MME: variants seen among roughly 807,000 people sequenced by gnomAD.
MME encodes the protein neprilysin.
MME carries 98 observed loss-of-function variants against 113.2 expected under a neutral mutation model. That is an observed-to-expected ratio of 0.87 (90% CI 0.74 to 1.02). The LOEUF (loss-of-function observed/expected upper bound fraction) is 1.02, where lower values mean the gene tolerates loss of function less well. MME is among the 50% of genes least tolerant of loss of function. The probability of loss-of-function intolerance (pLI) is 0.00; values close to 1 mark genes in which losing one functional copy is unlikely to be tolerated. For missense variants in MME, 836 were observed against 896.0 expected (o/e 0.93, Z 0.86); for synonymous variants, 292 against 300.6 (o/e 0.97, Z 0.30).
At chr3:155,029,264 A>T (rs1200675242) in intron 1 of MME, among the ~76,000 whole-genome samples, 1 of 152,244 alleles carries the variant, frequency 6.6e-6, no homozygotes, top group East Asian at 1.9e-4. Context: ...TTAAAAACAA[A>T]TCCATCCAAT....
chr3:155,125,306 C>T (rs1481471218), intron 8 of MME, among the ~76,000 whole-genome samples: 2 of 82,154 alleles, frequency 2.4e-5, no homozygotes, highest in South Asian at 4.8e-4. Flanking sequence ...CACTGGCCTG[C>T]GCCCACTGTC....
intron 12 of MME, 145 bp from the exon 13 acceptor site, chr3:155,143,298 C>A: frequency 2.1e-6 from 2 of 938,276 alleles, no homozygotes; most frequent in Non-Finnish European, 3.3e-6. Context: ...GATTACATTT[C>A]ATCATAGGCT....
At chr3:155,092,884 T>A (rs1368995854) in intron 3 of MME, among the ~76,000 whole-genome samples, 4 of 152,156 alleles carry the variant, frequency 2.6e-5, no homozygotes, top group Non-Finnish European at 5.9e-5. Flanking sequence ...ATAAGGGGAC[T>A]TCTTGGGGTA....
At chr3:155,049,259 G>T (rs1713671172) in intron 1 of MME, among the ~76,000 whole-genome samples, 1 of 151,986 alleles carries the variant, frequency 6.6e-6, no homozygotes, top group African/African-American at 2.4e-5. Context: ...GATTATGCCG[G>T]ATTAGGATGC....
At chr3:155,156,995 C>T (rs1442358397) in intron 16 of MME, among the ~76,000 whole-genome samples, 1 of 151,980 alleles carries the variant, frequency 6.6e-6, no homozygotes, top group Non-Finnish European at 1.5e-5. Context: ...AAAATTATTT[C>T]TGCACACTTT....
intron 1 of MME, chr3:155,081,876 A>G (rs1180187840): frequency 6.6e-6 from 1 of 152,240 alleles, no homozygotes; most frequent in Non-Finnish European, 1.5e-5. Context: ...AAGGCTACTA[A>G]GAGCAAAAGA....
intron 1 of MME, among the ~76,000 whole-genome samples, chr3:155,061,328 G>A (rs1714135918): frequency 6.6e-6 from 1 of 151,656 alleles, no homozygotes; most frequent in African/African-American, 2.4e-5. Context: ...GCAGGAGCCT[G>A]TAGTCCCAGC....
In MME at chr3:155,172,130, A is replaced by G. The variant is rs760938817; in HGVS notation, c.1994A>G (p.Tyr665Cys). The G allele has an allele frequency of 6.3e-7, 1 of 1,596,962 alleles. No homozygotes were observed. The highest frequency in any genetic ancestry group is 2.2e-5 in the East Asian group (1 of 44,564). Residue 665 changes from tyrosine (Y) to cysteine (C), a missense_variant, in exon 21 of 23, where the codon TAT (tyrosine) becomes TGT (cysteine). By Grantham distance (194) the Tyr-to-Cys change is radical. Transcript: ENST00000360490. ...TCAACTGCCTAGGCCTATCAGAATTATATTAAAAAGAATGGCGAAGAAAAA... is the reference window on the plus strand; with the variant it reads ...TCAACTGCCTAGGCCTATCAGAATTGTATTAAAAAGAATGGCGAAGAAAAA... Reference protein sequence around the residue: ...LGQAYRAYQNYIKKNGEEKLL... With the variant: ...LGQAYRAYQNCIKKNGEEKLL...
chr3:155,144,112 T>G (rs572319243), intron 13 of MME, among the ~76,000 whole-genome samples: 1 of 152,174 alleles, frequency 6.6e-6, no homozygotes, highest in Non-Finnish European at 1.5e-5. Flanking sequence ...AACCATTATA[T>G]TCTGAAAATG....
At position 155,107,449 on chromosome 3, in the gene MME, T is replaced by C. The variant is rs571190490; in HGVS notation, c.197-7545T>C. Among the ~76,000 whole-genome samples the C allele has an allele frequency of 2.6e-5, 4 of 152,156 alleles. No homozygotes were observed. In the South Asian group the frequency reaches 8.3e-4, roughly 32 times the overall value. On this transcript the variant is annotated intron_variant, in intron 3 of 22. Transcript: ENST00000360490. ...GTATGTTGTAAATAGATGCCTAACC[T>C]ATTTAAAACGTGGCTAATTTATAGT...
chr3:155,143,200 T>C (rs182798518), intron 12 of MME, among the ~76,000 whole-genome samples: 2 of 152,304 alleles, frequency 1.3e-5, no homozygotes, highest in Admixed American at 1.3e-4. Context: ...TACAATGATA[T>C]TAAGTTGTAA....
At chr3:155,178,164 G>A (rs1712742905) in intron 22 of MME, among the ~76,000 whole-genome samples, 1 of 151,966 alleles carries the variant, frequency 6.6e-6, no homozygotes, top group South Asian at 2.1e-4. Flanking sequence ...AAATTCCCCA[G>A]CTTCTGACTC....
intron 3 of MME, among the ~76,000 whole-genome samples, chr3:155,088,637 T>G (rs1406533644): frequency 6.9e-6 from 1 of 145,180 alleles, no homozygotes. Context: ...GAGCTGAGAT[T>G]GCGCCATTGC....
chr3:155,098,291 C>T (rs1204915113), intron 3 of MME, among the ~76,000 whole-genome samples: 1 of 152,084 alleles, frequency 6.6e-6, no homozygotes, highest in African/African-American at 2.4e-5. Flanking sequence ...CGCAGTGGCT[C>T]ACGGCTGTAA....
intron 18 of MME, among the ~76,000 whole-genome samples, chr3:155,167,819 A>G (rs1004288284): frequency 6.6e-6 from 1 of 152,204 alleles, no homozygotes; most frequent in African/African-American, 2.4e-5. Flanking sequence ...ATAAAAACAC[A>G]TGAAAGATTT....
chr3:155,058,088 AAAAC>A (rs1048403038), intron 1 of MME, among the ~76,000 whole-genome samples: 2 of 152,160 alleles, frequency 1.3e-5, no homozygotes, highest in Admixed American at 1.3e-4. Flanking sequence ...AGTCTACACA[AAAAC>A]AAACAAACAA....
At chr3:155,168,101 A>G (rs1711528200) in intron 18 of MME, among the ~76,000 whole-genome samples, 1 of 152,208 alleles carries the variant, frequency 6.6e-6, no homozygotes, top group Admixed American at 6.5e-5. Flanking sequence ...TGTCCTATGA[A>G]GGGTCCAGGA....
intron 20 of MME, among the ~76,000 whole-genome samples, chr3:155,170,626 T>C (rs1471795948): frequency 6.6e-6 from 1 of 152,158 alleles, no homozygotes; most frequent in Admixed American, 6.5e-5. Flanking sequence ...TTTCCTAGCA[T>C]TGGGTATTTT....
At chr3:155,057,840 T>C (rs1713991240) in intron 1 of MME, among the ~76,000 whole-genome samples, 1 of 152,136 alleles carries the variant, frequency 6.6e-6, no homozygotes, top group Admixed American at 6.6e-5. Flanking sequence ...AAATCTTCAC[T>C]ATGCCTGTCA....
Sources: allele counts gnomAD v4.1 joint callset (sites outside exome capture counted in the v4.1 genomes callset), GRCh38; gene constraint gnomAD v4.1.1; transcripts MANE v1.5; gene names NCBI Gene and HGNC (gene_info 2026-07-23, HGNC 2026-07-21).